Variants in CYTH3 observed in about 807,000 individuals in gnomAD.
CYTH3 encodes cytohesin 3, also known as cytohesin-3.
In CYTH3, 23 loss-of-function variants were observed where a neutral mutation model predicts 55.1. That is an observed-to-expected ratio of 0.42 (90% CI 0.30 to 0.59). The LOEUF is 0.59. Among genes scored for constraint, CYTH3 ranks in the 20% least tolerant of loss-of-function variants. CYTH3 has a pLI of 0.20. For synonymous variants in CYTH3, 249 were observed against 194.9 expected (o/e 1.28, Z -2.31); for missense variants, 413 against 524.8 (o/e 0.79, Z 2.08).
intron 1 of CYTH3, among the ~76,000 whole-genome samples, chr7:6,206,125 G>T (rs1043124209): frequency 2.0e-4 from 31 of 152,026 alleles, no homozygotes; most frequent in African/African-American, 7.5e-4. Flanking sequence ...ACCCCAAAAA[G>T]TAAAAACATA....
Position 6,164,819 on chromosome 7 carries a change from T to C in CYTH3, c.*125A>G, listed in dbSNP as rs1330696324. The C allele has an allele frequency of 1.0e-5, 11 of 1,082,654 alleles. No individual in the cohort carries two copies. Among genetic ancestry groups the C allele is most frequent in the South Asian group, 6.9e-5 (5 of 71,982 alleles). The allele number at this position is 1,082,654 out of a possible 1,614,324, so 67.1% of individuals were successfully genotyped here. A position where few individuals can be genotyped will look rare whatever the true frequency, so the allele number is the denominator to read the frequency against. ...TGGGGATACCACCTGGGCCACGGTA[T>C]GCTCTGGAGCAGCAGCTTGCACCGC... On this transcript the variant is annotated 3_prime_UTR_variant, in exon 13 of 13. Coordinates refer to ENST00000350796, the MANE Select transcript of CYTH3 (RefSeq NM_004227.4).
rs1297992482 is a variant in CYTH3, at chr7:6,272,587, G to T, written c.-80C>A. On this transcript the variant is annotated 5_prime_UTR_variant, in exon 1 of 13. Transcript: ENST00000350796. The stretch of plus-strand genomic sequence containing the variant: ...GGCTGGGGACGCCGCCGGAGGGAGC[G>T]CGCAGGCGACCGGGCGGCTCCTCAG... The T allele has an allele frequency of 9.1e-7, 1 of 1,096,982 alleles. No homozygotes were observed. Among genetic ancestry groups the T allele is most frequent in the Non-Finnish European group, 1.1e-6 (1 of 896,728 alleles). The allele number at this position is 1,096,982 out of a possible 1,614,324, so 68.0% of individuals were successfully genotyped here. A position where few individuals can be genotyped will look rare whatever the true frequency, so the allele number is the denominator to read the frequency against.
At chr7:6,224,873 G>A (rs1470203579) in intron 1 of CYTH3, among the ~76,000 whole-genome samples, 1 of 152,280 alleles carries the variant, frequency 6.6e-6, no homozygotes, top group East Asian at 1.9e-4. Flanking sequence ...ATTCAGATAA[G>A]AATAAACTAT....
At position 6,169,905 on chromosome 7, in the gene CYTH3, G is replaced by A. The variant is rs962971016; in HGVS notation, c.823+630C>T. 6.6e-6 allele frequency among the ~76,000 whole-genome samples: 1 copy of A among 152,016 alleles called. No homozygotes were observed. The highest frequency in any genetic ancestry group is 2.4e-5 in the African/African-American group (1 of 41,388). On this transcript the variant is annotated intron_variant, in intron 9 of 12. Coordinates refer to ENST00000350796, the MANE Select transcript of CYTH3 (RefSeq NM_004227.4). This position sits in a 1 kb window ranked among gnomAD's most constrained non-coding sequence, Gnocchi z 4.1. Reference sequence around the variant, plus strand: ...GTGCTCCAGGTCCCAGCCACTCTCAGCCCCGCCCCTGGGGGTGGGTGTAGC... The same window carrying A: ...GTGCTCCAGGTCCCAGCCACTCTCAACCCCGCCCCTGGGGGTGGGTGTAGC...
intron 1 of CYTH3, among the ~76,000 whole-genome samples, chr7:6,231,891 A>G (rs1420109872): frequency 6.6e-6 from 1 of 152,028 alleles, no homozygotes; most frequent in Non-Finnish European, 1.5e-5. Context: ...ACACCACCTG[A>G]ATCTTCACTG....
At chr7:6,229,832 A>C (rs948934973) in intron 1 of CYTH3, among the ~76,000 whole-genome samples, 19 of 148,576 alleles carry the variant, frequency 1.3e-4, no homozygotes, top group African/African-American at 4.7e-4. Context: ...AAAAAAAAAA[A>C]AAAATGGAAT....
At chr7:6,185,231 C>G (rs1783605400) in intron 4 of CYTH3, among the ~76,000 whole-genome samples, 1 of 152,228 alleles carries the variant, frequency 6.6e-6, no homozygotes, top group South Asian at 2.1e-4. Context: ...TTCACAGTGG[C>G]TAGAGTGTAT....
chr7:6,259,794 T>TATTATATATATATATA (rs1780275922), intron 1 of CYTH3, among the ~76,000 whole-genome samples: 6 of 18,058 alleles, frequency 3.3e-4, no homozygotes, highest in African/African-American at 3.1e-3. Context: ...AATATATATA[T>TATTATATATATATATA]ATATATATAT....
chr7:6,173,377 C>T (rs1383559992), intron 6 of CYTH3, among the ~76,000 whole-genome samples: 1 of 152,178 alleles, frequency 6.6e-6, no homozygotes, highest in Non-Finnish European at 1.5e-5. Flanking sequence ...TCGACTACTG[C>T]CATACACCAT....
At chr7:6,189,407 C>G (rs941408563) in intron 2 of CYTH3, among the ~76,000 whole-genome samples, 2 of 152,098 alleles carry the variant, frequency 1.3e-5, no homozygotes, top group African/African-American at 2.4e-5. Context: ...TTCTTGGGCT[C>G]AGGTGATCCT....
chr7:6,255,697 G>A (rs1242940970), intron 1 of CYTH3, among the ~76,000 whole-genome samples: 1 of 150,964 alleles, frequency 6.6e-6, no homozygotes, highest in Non-Finnish European at 1.5e-5. Context: ...AGGACTTACA[G>A]ACTCCCTATG....
Position 6,162,079 on chromosome 7 carries a change from A to G in CYTH3, c.*2865T>C, listed in dbSNP as rs901715177. 83 of 152,676 alleles carry G rather than the reference A, an allele frequency of 5.4e-4. 2 individuals carry two copies. The highest frequency in any genetic ancestry group is 1.5e-5 in the Non-Finnish European group (1 of 68,044). 9.5% of individuals were successfully genotyped at this position (152,676 alleles called of 1,614,324 possible). On this transcript the variant is annotated 3_prime_UTR_variant, in exon 13 of 13. Transcript: ENST00000350796. Reference sequence around the variant, plus strand: ...CTCAGCAAAGCATATCTATGTAGATATCTGCGTTTGTAACTTTAAAAATAG... The same window carrying G: ...CTCAGCAAAGCATATCTATGTAGATGTCTGCGTTTGTAACTTTAAAAATAG...
chr7:6,256,181 A>G (rs1281879847), intron 1 of CYTH3, among the ~76,000 whole-genome samples: 1 of 152,236 alleles, frequency 6.6e-6, no homozygotes, highest in Non-Finnish European at 1.5e-5. Flanking sequence ...CCAATCAACT[A>G]CATTTCGTGA....
intron 1 of CYTH3, among the ~76,000 whole-genome samples, chr7:6,242,365 C>T (rs367603049): frequency 7.9e-4 from 105 of 133,522 alleles, no homozygotes; most frequent in African/African-American, 2.7e-3. Flanking sequence ...CATGAGCCAC[C>T]GCGCCTGGCA....
intron 1 of CYTH3, among the ~76,000 whole-genome samples, chr7:6,215,213 G>A (rs1261484932): frequency 6.6e-6 from 1 of 152,140 alleles, no homozygotes; most frequent in Non-Finnish European, 1.5e-5. Context: ...TATTCCCCCT[G>A]CTCTAGTGAC....
chr7:6,213,956 A>G (rs1446882477), intron 1 of CYTH3, among the ~76,000 whole-genome samples: 1 of 152,164 alleles, frequency 6.6e-6, no homozygotes, highest in African/African-American at 2.4e-5. Flanking sequence ...CCTTTTAGGA[A>G]GGCTCATGGA....
In CYTH3 at chr7:6,171,128, G is replaced by A; in HGVS notation, c.562+74C>T. Reference sequence around the variant, plus strand: ...TCCCCAGGAACACACGCTGGGCTGTGCCCACAGGGGCCGCCCCCTCCAGAG... The same window carrying A: ...TCCCCAGGAACACACGCTGGGCTGTACCCACAGGGGCCGCCCCCTCCAGAG... On this transcript the variant is annotated intron_variant, in intron 7 of 12. Transcript: ENST00000350796. This position sits in a 1 kb window ranked among gnomAD's most constrained non-coding sequence, Gnocchi z 6.7. The A allele has an allele frequency of 6.3e-7, 1 of 1,587,794 alleles. No individual in the cohort carries two copies. The highest frequency in any genetic ancestry group is 8.6e-7 in the Non-Finnish European group (1 of 1,158,168).
chr7:6,209,923 AC>A (rs1484180326), intron 1 of CYTH3, among the ~76,000 whole-genome samples: 1 of 152,208 alleles, frequency 6.6e-6, no homozygotes, highest in African/African-American at 2.4e-5. Context: ...TACTGAGACA[AC>A]AGAAGGATCA....
chr7:6,259,791 A>ATATATAT (rs1562417715), intron 1 of CYTH3, among the ~76,000 whole-genome samples: 1 of 15,030 alleles, frequency 6.7e-5, no homozygotes, highest in Non-Finnish European at 8.7e-5. Context: ...TATAATATAT[A>ATATATAT]TATATATATA....
Sources: allele counts gnomAD v4.1 joint callset (sites outside exome capture counted in the v4.1 genomes callset), GRCh38; gene constraint gnomAD v4.1.1; non-coding constraint Gnocchi (gnomAD v3.1); transcripts MANE v1.5; gene names NCBI Gene and HGNC (gene_info 2026-07-23, HGNC 2026-07-21).